SLC9A9: variants seen among roughly 807,000 people sequenced by gnomAD.
SLC9A9 encodes the protein solute carrier family 9 member A9, also known as sodium/hydrogen exchanger 9.
Under a neutral mutation model 77.8 loss-of-function variants are expected in SLC9A9, and 62 were observed. That is an observed-to-expected ratio of 0.80 (90% CI 0.65 to 0.98). The LOEUF (loss-of-function observed/expected upper bound fraction) is 0.98. Ranked by LOEUF, SLC9A9 falls within the 50% of genes least tolerant of loss-of-function variation. The probability of loss-of-function intolerance (pLI) is 0.00; values close to 1 mark genes in which losing one functional copy is unlikely to be tolerated. For synonymous variants in SLC9A9, 320 were observed against 283.5 expected, an observed-to-expected ratio of 1.13 and a Z score of -1.29; for missense variants, 775 against 774.9, an observed-to-expected ratio of 1.00 and a Z score of 0.00.
At position 143,429,921 on chromosome 3, in the gene SLC9A9, G is replaced by C. The variant is rs143454673; in HGVS notation, c.1469+37116C>G. ...CTTAGAGGTCATATCTTTCAAATTT[G>C]TTACTTTACAGATGAAGAAACTGAA... On this transcript the variant is annotated intron_variant, in intron 12 of 15. Transcript: ENST00000316549. 3.7e-3 allele frequency among the ~76,000 whole-genome samples: 558 copies of C among 152,252 alleles called. 7 individuals carry two copies. Among genetic ancestry groups the C allele is most frequent in the African/African-American group, 0.013 (537 of 41,530 alleles).
intron 8 of SLC9A9, among the ~76,000 whole-genome samples, chr3:143,566,063 G>C (rs868815549): frequency 1.3e-5 from 2 of 152,202 alleles, no homozygotes; most frequent in South Asian, 4.1e-4. Context: ...GAAATGATGA[G>C]ATGAGAAGTA....
chr3:143,475,022 G>C (rs1161594639), intron 11 of SLC9A9, among the ~76,000 whole-genome samples: 1 of 149,508 alleles, frequency 6.7e-6, no homozygotes, highest in South Asian at 2.1e-4. Flanking sequence ...GCAGTGGCAC[G>C]ATCTCAGCTC....
chr3:143,700,709 A>C (rs1162960349), intron 4 of SLC9A9, among the ~76,000 whole-genome samples: 3 of 152,182 alleles, frequency 2.0e-5, no homozygotes, highest in Non-Finnish European at 1.5e-5. Flanking sequence ...CCCACACAGC[A>C]CCTCTGGACA....
intron 9 of SLC9A9, among the ~76,000 whole-genome samples, chr3:143,529,845 A>G (rs2036474125): frequency 6.6e-6 from 1 of 152,202 alleles, no homozygotes; most frequent in South Asian, 2.1e-4. Context: ...ATTTCCAGTA[A>G]ATTTAGCAAA....
At chr3:143,269,041 G>T in intron 14 of SLC9A9, 61 bp from the exon 15 acceptor site, 1 of 1,231,308 alleles carries the variant, frequency 8.1e-7, no homozygotes, top group Non-Finnish European at 1.2e-6. Flanking sequence ...ATCTTACGCT[G>T]CACAAACCTT....
At chr3:143,666,236 C>T (rs1044051634) in intron 5 of SLC9A9, among the ~76,000 whole-genome samples, 1 of 152,208 alleles carries the variant, frequency 6.6e-6, no homozygotes, top group African/African-American at 2.4e-5. Flanking sequence ...ACAAAAACCA[C>T]ATGATTATCT....
chr3:143,340,902 C>T (rs752077238), intron 14 of SLC9A9, among the ~76,000 whole-genome samples: 2 of 152,130 alleles, frequency 1.3e-5, no homozygotes, highest in Non-Finnish European at 2.9e-5. Context: ...ATTTGCTAGT[C>T]ATTAGTGCAG....
At chr3:143,597,287 G>C (rs187941028) in intron 6 of SLC9A9, among the ~76,000 whole-genome samples, 1 of 152,144 alleles carries the variant, frequency 6.6e-6, no homozygotes, top group African/African-American at 2.4e-5. Flanking sequence ...TTAGCTCTTG[G>C]GGGGCTCGGC....
intron 4 of SLC9A9, among the ~76,000 whole-genome samples, chr3:143,751,461 C>T (rs1237559957): frequency 1.3e-5 from 2 of 152,176 alleles, no homozygotes; most frequent in South Asian, 2.1e-4. Flanking sequence ...TTTCCAGAGA[C>T]ATCCGATGCT....
chr3:143,791,768 A>G (rs1292914557), intron 4 of SLC9A9, among the ~76,000 whole-genome samples: 1 of 152,172 alleles, frequency 6.6e-6, no homozygotes, highest in Non-Finnish European at 1.5e-5. Flanking sequence ...CCCCCTGCCC[A>G]TTTCATGCAA....
chr3:143,626,241 T>G (rs1441557085), intron 6 of SLC9A9, among the ~76,000 whole-genome samples: 1 of 152,222 alleles, frequency 6.6e-6, no homozygotes, highest in Non-Finnish European at 1.5e-5. Flanking sequence ...AGAAATACAA[T>G]TTGACCCTGC....
intron 12 of SLC9A9, among the ~76,000 whole-genome samples, chr3:143,420,597 T>TTTA (rs2034280135): frequency 6.6e-6 from 1 of 152,224 alleles, no homozygotes; most frequent in Non-Finnish European, 1.5e-5. Flanking sequence ...ACAATTACAG[T>TTTA]TTATTATTAC....
chr3:143,414,917 C>T (rs1018225842), intron 12 of SLC9A9, among the ~76,000 whole-genome samples: 3 of 152,140 alleles, frequency 2.0e-5, no homozygotes, highest in Admixed American at 6.6e-5. Flanking sequence ...ATTGTGAATG[C>T]AAAGGAAGAG....
At chr3:143,576,707 C>T (rs184878821) in intron 7 of SLC9A9, among the ~76,000 whole-genome samples, 2 of 152,264 alleles carry the variant, frequency 1.3e-5, no homozygotes, top group Admixed American at 6.5e-5. Flanking sequence ...AACAGCTTAC[C>T]CTTTCTAAGC....
At chr3:143,429,136 A>C (rs1307985506) in intron 12 of SLC9A9, among the ~76,000 whole-genome samples, 1 of 152,264 alleles carries the variant, frequency 6.6e-6, no homozygotes, top group Non-Finnish European at 1.5e-5. Context: ...ATGCATTGAA[A>C]TATCACATTG....
At chr3:143,727,310 G>T (rs1282701073) in intron 4 of SLC9A9, among the ~76,000 whole-genome samples, 1 of 151,910 alleles carries the variant, frequency 6.6e-6, no homozygotes, top group East Asian at 1.9e-4. Flanking sequence ...TAAAATTTTG[G>T]CAGGATAAAG....
chr3:143,785,862 T>C (rs1439239875), intron 4 of SLC9A9, among the ~76,000 whole-genome samples: 24 of 142,724 alleles, frequency 1.7e-4, no homozygotes, highest in African/African-American at 5.8e-4. Flanking sequence ...TTTTTTTTTT[T>C]TTTTTTTTTT....
At chr3:143,351,613 C>G (rs938676839) in intron 14 of SLC9A9, among the ~76,000 whole-genome samples, 8 of 151,984 alleles carry the variant, frequency 5.3e-5, no homozygotes, top group Admixed American at 2.6e-4. Context: ...TTTGTAGAAG[C>G]CAAAGATTGA....
chr3:143,817,303 C>A (rs571643198), intron 2 of SLC9A9, among the ~76,000 whole-genome samples: 3 of 150,796 alleles, frequency 2.0e-5, no homozygotes, highest in Non-Finnish European at 4.4e-5. Flanking sequence ...CGCCCGCCAC[C>A]GCGCCCGGCT....
Sources: allele counts gnomAD v4.1 joint callset (sites outside exome capture counted in the v4.1 genomes callset), GRCh38; gene constraint gnomAD v4.1.1; transcripts MANE v1.5; gene names NCBI Gene and HGNC (gene_info 2026-07-23, HGNC 2026-07-21).